The following NCKAP5 variants were observed in gnomAD, a reference collection of about 807,000 sequenced individuals.
NCKAP5 encodes NCK associated protein 5, also known as nck-associated protein 5.
In NCKAP5, 92 loss-of-function variants were observed where a neutral mutation model predicts 167.0. The ratio of observed to expected loss-of-function variants is 0.55; its 90% CI spans 0.47 to 0.66. NCKAP5 has a LOEUF of 0.66. Among genes scored for constraint, NCKAP5 ranks in the 30% least tolerant of loss-of-function variants. The pLI is 0.00. For synonymous variants in NCKAP5, 891 were observed against 877.4 expected (o/e 1.02, Z -0.27); for missense variants, 2,378 against 2,315.0 (o/e 1.03, Z -0.56).
At chr2:132,836,535 C>T (rs1687899650) in intron 11 of NCKAP5, among the ~76,000 whole-genome samples, 1 of 151,808 alleles carries the variant, frequency 6.6e-6, no homozygotes, top group South Asian at 2.1e-4. Context: ...TCCATATTCT[C>T]AGATATAAAG....
At chr2:133,618,473 C>T in the NCKAP5 span, among the ~76,000 whole-genome samples, 31 of 150,004 alleles carry the variant, frequency 2.1e-4, no homozygotes, top group South Asian at 5.3e-3. Context: ...AAACAAACAA[C>T]CCCATCAAAA....
intron 11 of NCKAP5, among the ~76,000 whole-genome samples, chr2:132,857,638 A>G (rs1689575394): frequency 6.6e-6 from 1 of 152,224 alleles, no homozygotes; most frequent in Non-Finnish European, 1.5e-5. Flanking sequence ...CTATCCCGCC[A>G]TCTCAATTCC....
chr2:133,530,808 C>T (rs1329892777), intron 2 of NCKAP5, among the ~76,000 whole-genome samples: 2 of 152,146 alleles, frequency 1.3e-5, no homozygotes, highest in African/African-American at 4.8e-5. Context: ...GGCTATCATA[C>T]TGAGAAGAAG....
At chr2:133,483,616 T>C (rs1439101925) in intron 3 of NCKAP5, among the ~76,000 whole-genome samples, 3 of 123,848 alleles carry the variant, frequency 2.4e-5, no homozygotes, top group Non-Finnish European at 5.0e-5. Flanking sequence ...GCTAATACTC[T>C]GCAAAAAAAA....
chr2:133,552,727 C>T (rs1346037647), intron 2 of NCKAP5, among the ~76,000 whole-genome samples: 1 of 140,994 alleles, frequency 7.1e-6, no homozygotes, highest in Admixed American at 7.1e-5. Flanking sequence ...CACATGTACC[C>T]TAAAACTTAA....
At chr2:132,945,965 C>G (rs1697689510) in intron 8 of NCKAP5, among the ~76,000 whole-genome samples, 4 of 152,210 alleles carry the variant, frequency 2.6e-5, no homozygotes, top group Admixed American at 2.6e-4. Flanking sequence ...TCTACTTCTT[C>G]TGGCTATAAT....
At chr2:132,705,802 T>C (rs1469618713) in intron 19 of NCKAP5, among the ~76,000 whole-genome samples, 1 of 152,316 alleles carries the variant, frequency 6.6e-6, no homozygotes, top group East Asian at 1.9e-4. Flanking sequence ...AATACTCCCA[T>C]TTTACAACCT....
the NCKAP5 span, among the ~76,000 whole-genome samples, chr2:133,647,751 A>AGGAAGGAAGGAAGGAAGGAAGGAG: frequency 7.4e-6 from 1 of 135,458 alleles, no homozygotes; most frequent in South Asian, 2.4e-4. Flanking sequence ...GAAGGAAGGA[A>AGGAAGGAAGGAAGGAAGGAAGGAG]AGAAAAGAAA....
At chr2:133,553,146 G>A (rs570204807) in intron 2 of NCKAP5, among the ~76,000 whole-genome samples, 18 of 152,308 alleles carry the variant, frequency 1.2e-4, no homozygotes, top group African/African-American at 4.1e-4. Flanking sequence ...CAGGATATAA[G>A]TGGGAAAATA....
chr2:133,003,874 C>G (rs1045853792), intron 6 of NCKAP5, among the ~76,000 whole-genome samples: 3 of 152,160 alleles, frequency 2.0e-5, no homozygotes, highest in Non-Finnish European at 4.4e-5. Flanking sequence ...GAGAAAGTGA[C>G]ATAAATTTTC....
the NCKAP5 span, among the ~76,000 whole-genome samples, chr2:133,658,406 A>C: frequency 1.3e-5 from 2 of 152,194 alleles, no homozygotes; most frequent in Non-Finnish European, 2.9e-5. Context: ...GTCATGTGAA[A>C]TATCGAGAGG....
chr2:133,376,120 T>C (rs1400687622), intron 3 of NCKAP5, among the ~76,000 whole-genome samples: 4 of 152,036 alleles, frequency 2.6e-5, no homozygotes, highest in Middle Eastern at 3.2e-3. Context: ...TAGACATCTA[T>C]TGAAAGAAAG....
chr2:133,509,799 G>A (rs1291559219), intron 3 of NCKAP5, among the ~76,000 whole-genome samples: 2 of 152,194 alleles, frequency 1.3e-5, no homozygotes, highest in African/African-American at 4.8e-5. Flanking sequence ...GACAAAGAAT[G>A]ATCAGGTCCA....
intron 3 of NCKAP5, among the ~76,000 whole-genome samples, chr2:133,308,514 T>A (rs1645986103): frequency 6.6e-6 from 1 of 152,072 alleles, no homozygotes; most frequent in Non-Finnish European, 1.5e-5. Context: ...CGTGCCCTTT[T>A]GATGTAGAAA....
intron 3 of NCKAP5, among the ~76,000 whole-genome samples, chr2:133,437,689 T>C (rs937924102): frequency 1.1e-4 from 16 of 152,102 alleles, no homozygotes; most frequent in African/African-American, 3.9e-4. Flanking sequence ...TGGCCAAGGA[T>C]TTAGAATCTG....
intron 3 of NCKAP5, among the ~76,000 whole-genome samples, chr2:133,437,002 G>A (rs1690526802): frequency 1.3e-5 from 2 of 151,960 alleles, no homozygotes; most frequent in South Asian, 4.2e-4. Context: ...ATTTTTCATT[G>A]GGATCTCAGT....
chr2:133,468,539 G>T (rs1329324127), intron 3 of NCKAP5, among the ~76,000 whole-genome samples: 1 of 152,094 alleles, frequency 6.6e-6, no homozygotes, highest in Non-Finnish European at 1.5e-5. Context: ...GCTTGGTGCG[G>T]AGCTGAGTTC....
the NCKAP5 span, among the ~76,000 whole-genome samples, chr2:133,579,293 A>G: frequency 6.6e-6 from 1 of 152,182 alleles, no homozygotes; most frequent in African/African-American, 2.4e-5. Context: ...CCAAACTGTA[A>G]TTGTATGTTA....
At chr2:133,299,162 C>G (rs1013600581) in intron 4 of NCKAP5, among the ~76,000 whole-genome samples, 5 of 152,042 alleles carry the variant, frequency 3.3e-5, no homozygotes, top group African/African-American at 9.7e-5. Flanking sequence ...AGAATATTCT[C>G]TATTACTGTA....
Sources: gnomAD v4.1 joint callset for allele counts (sites outside exome capture counted in the v4.1 genomes callset) on GRCh38, gnomAD v4.1.1 for gene constraint, MANE v1.5 for transcripts, NCBI Gene and HGNC (gene_info 2026-07-23, HGNC 2026-07-21) for gene names.